The following HIVEP3 variants were observed in gnomAD, a reference collection of about 807,000 sequenced individuals.
The protein encoded by HIVEP3 is transcription factor HIVEP3.
Under a neutral mutation model 152.8 loss-of-function variants are expected in HIVEP3, and 49 were observed. The observed-to-expected ratio is 0.32, with a 90% confidence interval of 0.26 to 0.41. HIVEP3 has a LOEUF of 0.41. Ranked by LOEUF, HIVEP3 falls within the 10% of genes least tolerant of loss-of-function variation. HIVEP3 has a pLI of 1.00. For missense variants in HIVEP3, 2,790 were observed against 3,103.3 expected, an observed-to-expected ratio of 0.90 and a Z score of 2.40; for synonymous variants, 1,269 against 1,289.0, an observed-to-expected ratio of 0.98 and a Z score of 0.33.
At chr1:41,864,998 G>A (rs1643942915) in intron 1 of HIVEP3, among the ~76,000 whole-genome samples, 1 of 152,158 alleles carries the variant, frequency 6.6e-6, no homozygotes, top group Non-Finnish European at 1.5e-5. Context: ...CAGTTTTTGA[G>A]GCTGGGACAG....
In HIVEP3 at chr1:41,958,915, G is replaced by A. The variant is rs1266391989; in HGVS notation, n.120-40391C>T. 2.0e-5 allele frequency among the ~76,000 whole-genome samples: 3 copies of A among 152,202 alleles called. No homozygotes were observed. The East Asian group carries it at 5.8e-4, about 29-fold the overall frequency. ...TGTCCAAGGGCATGTGGCTGGACCTGTGGGAGTGGGCACCAAGTGACATGA... is the reference window on the plus strand; with the variant it reads ...TGTCCAAGGGCATGTGGCTGGACCTATGGGAGTGGGCACCAAGTGACATGA... On this transcript the variant is annotated intron_variant and non_coding_transcript_variant, in intron 1 of 3. Transcript: ENST00000489103.
intron 1 of HIVEP3, among the ~76,000 whole-genome samples, chr1:42,008,763 A>T (rs1293812254): frequency 2.6e-5 from 4 of 152,212 alleles, no homozygotes; most frequent in African/African-American, 9.6e-5. Context: ...CACAACATTC[A>T]TCTACTCCCA....
Position 41,582,108 on chromosome 1 carries a change from G to T in HIVEP3, c.2690C>A (p.Pro897Gln). ...CTTTTTGGGTGGCAGCTTCTCAGCT[G>T]GGAGCTGGGCAAGTGTCTGGCTGCG... ...PQRSQTLAQL[P>Q]AEKLPPKKKR... Residue 897 changes from proline to glutamine, a missense_variant, in exon 4 of 9, where the codon CCA becomes CAA. Around this residue, in one of 9 missense-constraint regions of HIVEP3, gnomAD observed 1,078 missense variants for 1,165.3 expected, o/e 0.93. Coordinates refer to ENST00000372583, the MANE Select transcript of HIVEP3 (RefSeq NM_024503.5). The surrounding 1 kb of genome is among the most constrained non-coding windows in gnomAD (Gnocchi z 4.7). 2 of 1,614,172 alleles carry T rather than the reference G, an allele frequency of 1.2e-6. No individual in the cohort carries two copies. The highest frequency in any genetic ancestry group is 8.5e-7 in the Non-Finnish European group (1 of 1,180,032).
chr1:41,862,955 G>A (rs1303488779), intron 1 of HIVEP3, among the ~76,000 whole-genome samples: 1 of 152,238 alleles, frequency 6.6e-6, no homozygotes, highest in African/African-American at 2.4e-5. Context: ...ATGGCAGCGG[G>A]AGGGAAGGAA....
At chr1:41,703,332 T>C (rs1646389780) in intron 1 of HIVEP3, among the ~76,000 whole-genome samples, 1 of 152,228 alleles carries the variant, frequency 6.6e-6, no homozygotes, top group Non-Finnish European at 1.5e-5. Flanking sequence ...AACATGACTG[T>C]TGGAAAAGAA....
At chr1:41,945,550 T>C (rs1314034156) in intron 1 of HIVEP3, among the ~76,000 whole-genome samples, 1 of 152,144 alleles carries the variant, frequency 6.6e-6, no homozygotes. Context: ...AGTTTGGTGA[T>C]CTCTGGTATC....
chr1:41,856,453 C>T (rs1386310238), intron 1 of HIVEP3, among the ~76,000 whole-genome samples: 1 of 152,146 alleles, frequency 6.6e-6, no homozygotes, highest in African/African-American at 2.4e-5. Context: ...AAGAGAAAAG[C>T]CTATGGCCCT....
At chr1:41,642,141 C>T (rs1645383100) in intron 2 of HIVEP3, among the ~76,000 whole-genome samples, 1 of 152,242 alleles carries the variant, frequency 6.6e-6, no homozygotes, top group Admixed American at 6.5e-5. Flanking sequence ...TGTGAACCAA[C>T]AGCAACAGCG....
At chr1:41,545,207 TATCGC>T (rs1643721617) in intron 5 of HIVEP3, among the ~76,000 whole-genome samples, 1 of 34,770 alleles carries the variant, frequency 2.9e-5, no homozygotes, top group Non-Finnish European at 6.2e-5. Context: ...CCACCACCAC[TATCGC>T]CACCACCACC....
intron 1 of HIVEP3, among the ~76,000 whole-genome samples, chr1:41,892,509 G>C (rs775366558): frequency 3.3e-5 from 5 of 152,188 alleles, no homozygotes; most frequent in Non-Finnish European, 5.9e-5. Flanking sequence ...CACAGAGAAG[G>C]CAGGAAGAGA....
intron 3 of HIVEP3, among the ~76,000 whole-genome samples, chr1:41,605,258 T>A (rs1030086527): frequency 1.3e-5 from 2 of 151,474 alleles, no homozygotes; most frequent in African/African-American, 4.9e-5. Flanking sequence ...TGGTTTCTGA[T>A]TTCTAATGGG....
At chr1:41,651,085 A>G (rs959149366) in intron 2 of HIVEP3, among the ~76,000 whole-genome samples, 1 of 152,172 alleles carries the variant, frequency 6.6e-6, no homozygotes, top group Non-Finnish European at 1.5e-5. Flanking sequence ...ACATCCATGG[A>G]TTCAACCAAT....
chr1:41,538,682 T>C (rs530020891), intron 5 of HIVEP3, among the ~76,000 whole-genome samples: 10 of 152,206 alleles, frequency 6.6e-5, no homozygotes, highest in African/African-American at 2.4e-4. Flanking sequence ...AGCAGAGGCC[T>C]AAGAGCCAGC....
At chr1:41,964,790 G>A (rs949808263) in intron 1 of HIVEP3, among the ~76,000 whole-genome samples, 1 of 152,234 alleles carries the variant, frequency 6.6e-6, no homozygotes, top group African/African-American at 2.4e-5. Context: ...GGAAAGGGAT[G>A]GCCACAGTAT....
intron 2 of HIVEP3, among the ~76,000 whole-genome samples, chr1:41,652,238 T>C (rs1007819889): frequency 6.6e-6 from 1 of 152,234 alleles, no homozygotes; most frequent in Non-Finnish European, 1.5e-5. Flanking sequence ...CCTTCCCATA[T>C]GTCCCTTGCC....
At chr1:41,889,811 G>T (rs7523641) in intron 1 of HIVEP3, among the ~76,000 whole-genome samples, 28,895 of 152,122 alleles carry the variant, frequency 0.19, 3,488 homozygotes, top group East Asian at 0.44. Flanking sequence ...GCTCTGGATA[G>T]GGTTTGCAGT....
intron 7 of HIVEP3, 81 bp downstream of exon 7, chr1:41,518,321 G>C (rs1642665625): frequency 8.4e-7 from 1 of 1,196,984 alleles, no homozygotes; most frequent in East Asian, 2.3e-5. Context: ...AAAGGAAGCA[G>C]GGAAGGCAAG....
At position 41,807,738 on chromosome 1, in the gene HIVEP3, A is replaced by T. The variant is rs534586707; in HGVS notation, c.-800-106743T>A. On this transcript the variant is annotated intron_variant, in intron 1 of 8. Coordinates refer to ENST00000372583, the MANE Select transcript of HIVEP3 (RefSeq NM_024503.5). ...GTGAAAGATGCTCTGGGAGGTCAAG[A>T]GAAGGGCCAATTAACCCCATCTGGG... 2.6e-5 allele frequency among the ~76,000 whole-genome samples: 4 copies of T among 152,332 alleles called. No homozygotes were observed. In the East Asian group the frequency reaches 7.7e-4, roughly 29 times the overall value.
intron 1 of HIVEP3, among the ~76,000 whole-genome samples, chr1:41,710,160 C>T (rs1315762902): frequency 3.9e-5 from 6 of 152,170 alleles, no homozygotes; most frequent in Admixed American, 1.3e-4. Flanking sequence ...TTTGTCACTT[C>T]CTCCTGCCAC....
Sources: allele counts gnomAD v4.1 joint callset (sites outside exome capture counted in the v4.1 genomes callset), GRCh38; gene constraint gnomAD v4.1.1; regional missense constraint gnomAD v4.1.1; non-coding constraint Gnocchi (gnomAD v3.1); transcripts MANE v1.5; gene names NCBI Gene and HGNC (gene_info 2026-07-23, HGNC 2026-07-21).